The following IGDCC4 variants were observed in gnomAD, a reference collection of about 807,000 sequenced individuals.
IGDCC4 encodes the protein immunoglobulin superfamily DCC subclass member 4.
In IGDCC4, 72 loss-of-function variants were observed where a neutral mutation model predicts 116.6. The ratio of observed to expected loss-of-function variants is 0.62; its 90% CI spans 0.51 to 0.75. The LOEUF is 0.75. Ranked by LOEUF, IGDCC4 falls within the 30% of genes least tolerant of loss-of-function variation. The probability of loss-of-function intolerance (pLI) is 0.00; values close to 1 mark genes in which losing one functional copy is unlikely to be tolerated. For missense variants in IGDCC4, 1,501 were observed against 1,662.4 expected (o/e 0.90, Z 1.69); for synonymous variants, 709 against 719.9 (o/e 0.98, Z 0.24).
chr15:65,419,552 A>C (rs1248218279), intron 1 of IGDCC4, among the ~76,000 whole-genome samples: 1 of 152,224 alleles, frequency 6.6e-6, no homozygotes, highest in Non-Finnish European at 1.5e-5. Flanking sequence ...TTCATTATTA[A>C]AAGAAACTCC....
chr15:65,405,853 C>G (rs1416126382), intron 3 of IGDCC4, among the ~76,000 whole-genome samples: 1 of 152,164 alleles, frequency 6.6e-6, no homozygotes, highest in African/African-American at 2.4e-5. Context: ...GATTCTTTTT[C>G]CAGCCTCAAA....
rs3082805 is a variant in IGDCC4 at position 65,412,511 on chromosome 15, C to CAAAAAAAAA, written c.71-1150_71-1142dup. Among the ~76,000 whole-genome samples, 11 of 16,716 alleles carry CAAAAAAAAA rather than the reference C, an allele frequency of 6.6e-4. 4 individuals are homozygous for CAAAAAAAAA. Among genetic ancestry groups the CAAAAAAAAA allele is most frequent in the Admixed American group, 1.1e-3 (1 of 896 alleles). 11.0% of individuals were successfully genotyped at this position (16,716 alleles called of 152,430 possible). A position where few individuals can be genotyped will look rare whatever the true frequency, so the allele number is the denominator to read the frequency against. The stretch of plus-strand genomic sequence containing the variant: ...TGGGTGACAGAATGAGATTCCATCT[C>CAAAAAAAAA]AAAAAAAAAAAAAAAAAAAAAAAAA... On this transcript the variant is annotated intron_variant, in intron 1 of 19. Coordinates refer to ENST00000352385, the MANE Select transcript of IGDCC4 (RefSeq NM_020962.3).
At chr15:65,418,064 A>G (rs962511043) in intron 1 of IGDCC4, among the ~76,000 whole-genome samples, 3 of 152,236 alleles carry the variant, frequency 2.0e-5, no homozygotes, top group African/African-American at 7.2e-5. Context: ...ATCCTCAAAA[A>G]GATAAGGCAT....
Position 65,393,609 on chromosome 15 carries a change from GC to G in IGDCC4, c.1715-79del. ...CTAAACCCCCCTACATGGCTCTTCC[GC>G]CTCACATCCCGGTTCCTCCGTGCCC... On this transcript the variant is annotated intron_variant, in intron 9 of 19. Coordinates refer to ENST00000352385, the MANE Select transcript of IGDCC4 (RefSeq NM_020962.3). The surrounding 1 kb of genome is among the most constrained non-coding windows in gnomAD (Gnocchi z 4.6). 7.0e-7 allele frequency: 1 copy of G among 1,433,572 alleles called. No homozygotes were observed. 88.8% of individuals were successfully genotyped at this position (1,433,572 alleles called of 1,614,324 possible). A position where few individuals can be genotyped will look rare whatever the true frequency, so the allele number is the denominator to read the frequency against.
Position 65,393,870 on chromosome 15 carries a change from C to A in IGDCC4, c.1715-339G>T, listed in dbSNP as rs1203062977. On this transcript the variant is annotated intron_variant, in intron 9 of 19. Coordinates refer to ENST00000352385, the MANE Select transcript of IGDCC4 (RefSeq NM_020962.3). This position sits in a 1 kb window ranked among gnomAD's most constrained non-coding sequence, Gnocchi z 4.6. ...ACAAGAGGCTGACCATGAAGGCCAG[C>A]AAGAACGCCTGGCTTCCAGAGCCCT... 6.6e-6 allele frequency among the ~76,000 whole-genome samples: 1 copy of A among 152,214 alleles called. No homozygotes were observed. Among genetic ancestry groups the A allele is most frequent in the Admixed American group, 6.5e-5 (1 of 15,284 alleles).
In IGDCC4 at chr15:65,395,979, C is replaced by A; in HGVS notation, c.1182G>T (p.Gln394His). The change falls in exon 7 of 20, where the codon CAG becomes CAT. Residue 394 changes from glutamine (Q) to histidine (H), a missense_variant. Physicochemically the swap from Gln to His is conservative, Grantham distance 24. Coordinates refer to ENST00000352385, the MANE Select transcript of IGDCC4 (RefSeq NM_020962.3). ...AGTAGCCGGCGTCCTGCAGGCCGATCTGTGTGATGACCAGGCTGCCACCGC... is the reference window on the plus strand; with the variant it reads ...AGTAGCCGGCGTCCTGCAGGCCGATATGTGTGATGACCAGGCTGCCACCGC... Reference protein sequence around the residue: ...QGGGGSLVITQIGLQDAGYYQ... With the variant: ...QGGGGSLVITHIGLQDAGYYQ... The A allele has an allele frequency of 6.3e-7, 1 of 1,577,966 alleles. No homozygotes were observed. The highest frequency in any genetic ancestry group is 8.5e-7 in the Non-Finnish European group (1 of 1,170,254).
chr15:65,409,668 T>C (rs904266280), intron 3 of IGDCC4, among the ~76,000 whole-genome samples: 1 of 151,422 alleles, frequency 6.6e-6, no homozygotes, highest in South Asian at 2.1e-4. Context: ...AAGAGGAGAG[T>C]GAAAGAGGAA....
chr15:65,396,803 C>G, intron 6 of IGDCC4, 31 bp downstream of exon 6: 1 of 1,550,580 alleles, frequency 6.4e-7, no homozygotes, highest in Non-Finnish European at 8.7e-7. Context: ...CCCCAGCTAA[C>G]CCGCTCCCTC....
At chr15:65,395,455 T>C (rs1008238190) in intron 7 of IGDCC4, among the ~76,000 whole-genome samples, 197 bp from the exon 8 acceptor site, 5 of 152,134 alleles carry the variant, frequency 3.3e-5, no homozygotes, top group African/African-American at 1.2e-4. Context: ...TAGGGAGTGC[T>C]TTCTGGAAAT....
In IGDCC4 at chr15:65,386,717, TC is replaced by T. The variant is rs1195206354; in HGVS notation, c.2846-62del. The T allele has an allele frequency of 3.8e-6, 5 of 1,304,420 alleles. No homozygotes were observed. The African/African-American group carries it at 5.8e-5, about 15-fold the overall frequency. The allele number at this position is 1,304,420 out of a possible 1,614,324, so 80.8% of individuals were successfully genotyped here. A position where few individuals can be genotyped will look rare whatever the true frequency, so the allele number is the denominator to read the frequency against. ...ACAGAGGAAGGGCACAGGGCATAGA[TC>T]AGGACTATCCATGGCTTTCTCAGGA... On this transcript the variant is annotated intron_variant, in intron 16 of 19. Transcript: ENST00000352385.
chr15:65,416,070 C>G (rs1456465184), intron 1 of IGDCC4, among the ~76,000 whole-genome samples: 1 of 151,806 alleles, frequency 6.6e-6, no homozygotes, highest in African/African-American at 2.4e-5. Flanking sequence ...ACGTTTTCAC[C>G]CAAATTCTCT....
At position 65,381,883 on chromosome 15, in the gene IGDCC4, G is replaced by A. The variant is rs2091403863; in HGVS notation, c.*2126C>T. On this transcript the variant is annotated 3_prime_UTR_variant, in exon 20 of 20. Coordinates refer to ENST00000352385, the MANE Select transcript of IGDCC4 (RefSeq NM_020962.3). ...ACTTTCTTATCAACTGTGAGTTATA[G>A]GCAGATACCAGATTTATTACTTATT... The A allele has an allele frequency of 6.6e-6, 1 of 152,588 alleles. No homozygotes were observed. Among genetic ancestry groups the A allele is most frequent in the African/African-American group, 2.4e-5 (1 of 41,424 alleles). 9.5% of individuals were successfully genotyped at this position (152,588 alleles called of 1,614,324 possible).
At chr15:65,402,634 G>C (rs373066026) in intron 3 of IGDCC4, 147 bp from the exon 4 acceptor site, 4 of 1,066,400 alleles carry the variant, frequency 3.8e-6, no homozygotes, top group Non-Finnish European at 5.3e-6. Context: ...TTTGGGAGGC[G>C]AGGCGGGCGA....
intron 5 of IGDCC4, among the ~76,000 whole-genome samples, chr15:65,399,194 G>A (rs2062959045): frequency 6.6e-6 from 1 of 152,064 alleles, no homozygotes; most frequent in Non-Finnish European, 1.5e-5. Flanking sequence ...TGGAGCACCG[G>A]GCGCAGTGAC....
At chr15:65,414,221 G>A (rs535881396) in intron 1 of IGDCC4, among the ~76,000 whole-genome samples, 166 of 152,344 alleles carry the variant, frequency 1.1e-3, no homozygotes, top group African/African-American at 3.8e-3. Context: ...TGGGATTGCA[G>A]TGTGAAGGGC....
Position 65,400,938 on chromosome 15 carries a change from C to G in IGDCC4, c.709G>C (p.Ala237Pro), listed in dbSNP as rs760299572. The G allele has an allele frequency of 6.2e-7, 1 of 1,614,112 alleles. No individual in the cohort carries two copies. Among genetic ancestry groups the G allele is most frequent in the South Asian group, 1.1e-5 (1 of 91,078 alleles). The change falls in exon 5 of 20, where the codon GCG becomes CCG. Residue 237 changes from alanine (A) to proline (P), a missense_variant. Physicochemically the swap from Ala to Pro is conservative, Grantham distance 27. Around this residue, in one of 3 missense-constraint regions of IGDCC4, gnomAD observed 898 missense variants for 978.9 expected, o/e 0.92. Transcript: ENST00000352385. ...LLSVAHRGSL[A>P]STRGQDVVIV... The stretch of plus-strand genomic sequence containing the variant: ...ACCACGTCCTGCCCCCTGGTGGACG[C>G]CAGGGACCCTGGCGAGAAGACAGAC...
At chr15:65,394,644 C>CAGA in intron 8 of IGDCC4, 96 bp from the exon 9 acceptor site, 1 of 1,248,646 alleles carries the variant, frequency 8.0e-7, no homozygotes, top group Non-Finnish European at 1.1e-6. Flanking sequence ...CACAGCAAGT[C>CAGA]AGAAGTAGGC....
Position 65,384,543 on chromosome 15 carries a change from G to A in IGDCC4, c.3343-124C>T, listed in dbSNP as rs919786669. 1 of 960,024 alleles carries A rather than the reference G, an allele frequency of 1.0e-6. No homozygotes were observed. The highest frequency in any genetic ancestry group is 1.5e-6 in the Non-Finnish European group (1 of 661,718). The allele number at this position is 960,024 out of a possible 1,614,324, so 59.5% of individuals were successfully genotyped here. The stretch of plus-strand genomic sequence containing the variant: ...GAGTAAGTATCACATGGGAGTCGGT[G>A]AAGGATACACAGGAACTGTTCGAAC... On this transcript the variant is annotated intron_variant, in intron 19 of 19. Transcript: ENST00000352385. The surrounding 1 kb of genome is among the most constrained non-coding windows in gnomAD (Gnocchi z 4.9).
intron 5 of IGDCC4, among the ~76,000 whole-genome samples, chr15:65,399,268 T>G (rs1400125947): frequency 2.6e-5 from 4 of 151,962 alleles, no homozygotes. Context: ...CCCAGGAGTT[T>G]GAGACCTGCC....
Sources: allele counts gnomAD v4.1 joint callset (sites outside exome capture counted in the v4.1 genomes callset), GRCh38; gene constraint gnomAD v4.1.1; regional missense constraint gnomAD v4.1.1; non-coding constraint Gnocchi (gnomAD v3.1); transcripts MANE v1.5; gene names NCBI Gene and HGNC (gene_info 2026-07-23, HGNC 2026-07-21).